Variants in SKIC2 observed in about 807,000 individuals in gnomAD.
SKIC2 encodes SKI2 subunit of superkiller complex.
chr6:31,969,665 A>G, the SKIC2 span: 6 of 1,609,618 alleles, frequency 3.7e-6, no homozygotes, highest in Admixed American at 1.7e-5. This position sits in a 1 kb window ranked among gnomAD's most constrained non-coding sequence, Gnocchi z 6.1. Context: ...GACAGCGGCT[A>G]CCTTGCTACG....
At chr6:31,962,558 GCCTCATCATGA>G in the SKIC2 span, 2 of 1,613,812 alleles carry the variant, frequency 1.2e-6, no homozygotes, top group Non-Finnish European at 1.7e-6. The surrounding 1 kb of genome is among the most constrained non-coding windows in gnomAD (Gnocchi z 5.0). Context: ...GAGGCCTCCT[GCCTCATCATGA>G]CCACAGAGAT....
the SKIC2 span, chr6:31,964,407 G>A: frequency 8.6e-7 from 1 of 1,166,314 alleles, no homozygotes; most frequent in Admixed American, 1.9e-5. The surrounding 1 kb of genome is among the most constrained non-coding windows in gnomAD (Gnocchi z 5.0). Context: ...CTGCCCAGAG[G>A]GCAGAGGGGC....
chr6:31,964,402 C>A, the SKIC2 span: 3 of 1,258,414 alleles, frequency 2.4e-6, no homozygotes, highest in Non-Finnish European at 3.4e-6. The surrounding 1 kb of genome is among the most constrained non-coding windows in gnomAD (Gnocchi z 5.0). Flanking sequence ...AGGGGCTGCC[C>A]AGAGGGCAGA....
the SKIC2 span, chr6:31,966,801 G>A: frequency 1.9e-6 from 3 of 1,614,224 alleles, no homozygotes; most frequent in Non-Finnish European, 2.5e-6. The surrounding 1 kb of genome is among the most constrained non-coding windows in gnomAD (Gnocchi z 5.9). Flanking sequence ...TGGAGGACAT[G>A]ATGAAGAGGA....
chr6:31,969,347 A>G, the SKIC2 span: 11 of 1,614,082 alleles, frequency 6.8e-6, no homozygotes, highest in Admixed American at 1.7e-5. This position sits in a 1 kb window ranked among gnomAD's most constrained non-coding sequence, Gnocchi z 6.1. Context: ...GGCCTGAACC[A>G]GACGGTGGAG....
At chr6:31,967,735 C>T in the SKIC2 span, 1 of 1,613,060 alleles carries the variant, frequency 6.2e-7, no homozygotes, top group African/African-American at 1.3e-5. The surrounding 1 kb of genome is among the most constrained non-coding windows in gnomAD (Gnocchi z 4.9). Context: ...ACTCCACCAG[C>T]AGAGTATTCA....
chr6:31,965,863 C>T, the SKIC2 span: 9,751 of 1,612,956 alleles, frequency 6.0e-3, 120 homozygotes, highest in East Asian at 0.037. The surrounding 1 kb of genome is among the most constrained non-coding windows in gnomAD (Gnocchi z 5.6). Flanking sequence ...TGCGCAAACA[C>T]GATGGCTCCA....
At chr6:31,969,284 T>C in the SKIC2 span, 50 of 1,614,062 alleles carry the variant, frequency 3.1e-5, no homozygotes, top group Non-Finnish European at 3.6e-5. This position sits in a 1 kb window ranked among gnomAD's most constrained non-coding sequence, Gnocchi z 6.1. Flanking sequence ...CTGCAGGGAA[T>C]AGAACGTGTC....
chr6:31,969,270 T>C, the SKIC2 span: 1 of 1,613,998 alleles, frequency 6.2e-7, no homozygotes, highest in South Asian at 1.1e-5. This position sits in a 1 kb window ranked among gnomAD's most constrained non-coding sequence, Gnocchi z 6.1. Flanking sequence ...CCTCTCCTTC[T>C]TTCCTGCAGG....
chr6:31,969,195 G>C, the SKIC2 span: 1 of 1,571,404 alleles, frequency 6.4e-7, no homozygotes, highest in Non-Finnish European at 8.7e-7. This position sits in a 1 kb window ranked among gnomAD's most constrained non-coding sequence, Gnocchi z 6.1. Flanking sequence ...GTGCCCCAAG[G>C]ATGGAAAATG....
chr6:31,966,622 C>G, the SKIC2 span: 1 of 1,425,480 alleles, frequency 7.0e-7, no homozygotes, highest in Non-Finnish European at 9.8e-7. This position sits in a 1 kb window ranked among gnomAD's most constrained non-coding sequence, Gnocchi z 5.9. Flanking sequence ...AGGACCGGAT[C>G]TGACGGGAGT....
At chr6:31,964,596 T>C in the SKIC2 span, among the ~76,000 whole-genome samples, 1 of 152,134 alleles carries the variant, frequency 6.6e-6, no homozygotes, top group Non-Finnish European at 1.5e-5. This position sits in a 1 kb window ranked among gnomAD's most constrained non-coding sequence, Gnocchi z 5.0. Context: ...AATACGTAGG[T>C]CTCAGAAAAG....
the SKIC2 span, chr6:31,960,115 G>T: frequency 1.2e-6 from 2 of 1,612,660 alleles, no homozygotes; most frequent in East Asian, 2.2e-5. Flanking sequence ...GGAGCACTCA[G>T]CCCGGTGAGG....
the SKIC2 span, chr6:31,963,770 G>GT: frequency 6.5e-7 from 1 of 1,528,018 alleles, no homozygotes. This position sits in a 1 kb window ranked among gnomAD's most constrained non-coding sequence, Gnocchi z 5.3. Flanking sequence ...GCCAGCACCT[G>GT]TTTTTCCTCC....
At chr6:31,968,620 C>A in the SKIC2 span, 1 of 1,552,232 alleles carries the variant, frequency 6.4e-7, no homozygotes, top group Non-Finnish European at 8.9e-7. This position sits in a 1 kb window ranked among gnomAD's most constrained non-coding sequence, Gnocchi z 6.1. Context: ...GCCCCCATCT[C>A]AGCCCTTGTC....
the SKIC2 span, chr6:31,961,269 C>T: frequency 5.6e-6 from 9 of 1,611,392 alleles, no homozygotes; most frequent in Middle Eastern, 1.7e-4. Flanking sequence ...GTGGGGGTGA[C>T]GAGGATGAGA....
At chr6:31,965,940 A>AC in the SKIC2 span, 5 of 1,612,810 alleles carry the variant, frequency 3.1e-6, no homozygotes, top group Non-Finnish European at 4.2e-6. The surrounding 1 kb of genome is among the most constrained non-coding windows in gnomAD (Gnocchi z 5.6). Flanking sequence ...AGGGGCCTGG[A>AC]CCCCACAGGC....
the SKIC2 span, chr6:31,965,863 C>G: frequency 1.4e-5 from 23 of 1,612,852 alleles, no homozygotes; most frequent in African/African-American, 4.0e-5. This position sits in a 1 kb window ranked among gnomAD's most constrained non-coding sequence, Gnocchi z 5.6. Flanking sequence ...TGCGCAAACA[C>G]GATGGCTCCA....
chr6:31,962,653 T>C, the SKIC2 span: 2 of 1,606,852 alleles, frequency 1.2e-6, no homozygotes, highest in Middle Eastern at 3.3e-4. This position sits in a 1 kb window ranked among gnomAD's most constrained non-coding sequence, Gnocchi z 5.0. Flanking sequence ...GAGAGTGTGC[T>C]GTCTGAGGAG....
Sources: gnomAD v4.1 joint callset for allele counts (sites outside exome capture counted in the v4.1 genomes callset) on GRCh38, gnomAD v4.1.1 for gene constraint, Gnocchi (gnomAD v3.1) non-coding constraint, MANE v1.5 for transcripts, NCBI Gene and HGNC (gene_info 2026-07-23, HGNC 2026-07-21) for gene names.